Variants in ABCF3 observed in about 807,000 individuals in gnomAD.
The protein encoded by ABCF3 is ATP-binding cassette sub-family F member 3.
ABCF3 carries 62 observed loss-of-function variants against 94.3 expected under a neutral mutation model. The observed-to-expected ratio is 0.66, with a 90% CI of 0.54 to 0.81. ABCF3 has a LOEUF of 0.81. Ranked by LOEUF, ABCF3 falls within the 40% of genes least tolerant of loss-of-function variation. The pLI, the probability that ABCF3 is intolerant of heterozygous loss-of-function variation, is 0.00. For synonymous variants in ABCF3, 355 were observed against 361.1 expected (o/e 0.98, Z 0.19); for missense variants, 843 against 925.3 (o/e 0.91, Z 1.15).
chr3:184,190,941 C>T (rs1715978071), intron 14 of ABCF3, 58 bp from the exon 15 acceptor site: 13 of 1,587,200 alleles, frequency 8.2e-6, no homozygotes, highest in Middle Eastern at 1.9e-4. Context: ...ATATATTACT[C>T]GTGTAGGAAG....
chr3:184,187,315 G>C (rs2942056), intron 3 of ABCF3, 82 bp from the exon 4 acceptor site: 504,895 of 1,506,638 alleles, frequency 0.34, 88,091 homozygotes, highest in East Asian at 0.64. Context: ...ATCTGTGTCT[G>C]TGCCTGGTTC....
Position 184,193,783 on chromosome 3 carries a change from G to A in ABCF3, c.*85G>A. 7.0e-7 allele frequency: 1 copy of A among 1,426,388 alleles called. No individual in the cohort carries two copies. The highest frequency in any genetic ancestry group is 9.3e-7 in the Non-Finnish European group (1 of 1,071,730). The allele number at this position is 1,426,388 out of a possible 1,614,324, so 88.4% of individuals were successfully genotyped here. ...CATGTAGGCCACCACTCCAGGCCGT[G>A]GACTTCCCCCAACTTGGGGACAGCC... On this transcript the variant is annotated 3_prime_UTR_variant, in exon 21 of 21. Coordinates refer to ENST00000429586, the MANE Select transcript of ABCF3 (RefSeq NM_018358.3). The surrounding 1 kb of genome is among the most constrained non-coding windows in gnomAD (Gnocchi z 5.2).
Position 184,193,228 on chromosome 3 carries a change from T to TGCCCTGGTGAG in ABCF3, c.1881_1883+8dup. On this transcript the variant is annotated stop_gained and frameshift_variant, in exon 19 of 21. Coordinates refer to ENST00000429586, the MANE Select transcript of ABCF3 (RefSeq NM_018358.3). LOFTEE classifies it high-confidence loss of function. This position sits in a 1 kb window ranked among gnomAD's most constrained non-coding sequence, Gnocchi z 5.2. The stretch of plus-strand genomic sequence containing the variant: ...CGAGTGGCCTTTGCTCAGATGACTA[T>TGCCCTGGTGAG]GCCCTGGTGAGGCCTCATTTTCCAG... 6.4e-7 allele frequency: 1 copy of TGCCCTGGTGAG among 1,568,836 alleles called. No homozygotes were observed. The highest frequency in any genetic ancestry group is 8.6e-7 in the Non-Finnish European group (1 of 1,158,070).
intron 14 of ABCF3, 99 bp downstream of exon 14, chr3:184,190,030 C>A (rs1056718334): frequency 7.9e-7 from 1 of 1,267,838 alleles, no homozygotes; most frequent in Non-Finnish European, 1.1e-6. Flanking sequence ...GTCTCCCCTT[C>A]GCTAGAAGCC....
intron 3 of ABCF3, 129 bp from the exon 4 acceptor site, chr3:184,187,268 C>A: frequency 2.1e-6 from 2 of 970,242 alleles, no homozygotes; most frequent in Non-Finnish European, 3.2e-6. Context: ...AAGATAATAG[C>A]CATCTATCTG....
At position 184,192,458 on chromosome 3, in the gene ABCF3, C is replaced by T. The variant is rs549218389; in HGVS notation, c.1570-143C>T. On this transcript the variant is annotated intron_variant, in intron 16 of 20. Coordinates refer to ENST00000429586, the MANE Select transcript of ABCF3 (RefSeq NM_018358.3). ...CCCTCTCTCAATTCCCCTCCTCCCC[C>T]CTTATCCTTCCCAGCCTCTAGTAAC... 3.9e-5 allele frequency: 31 copies of T among 800,334 alleles called. No individual in the cohort carries two copies. The East Asian group carries it at 6.8e-4, about 17-fold the overall frequency. The allele number at this position is 800,334 out of a possible 1,614,324, so 49.6% of individuals were successfully genotyped here. A position where few individuals can be genotyped will look rare whatever the true frequency, so the allele number is the denominator to read the frequency against.
chr3:184,187,543 TC>T (rs1324072964), intron 4 of ABCF3, 100 bp downstream of exon 4: 7 of 1,540,166 alleles, frequency 4.5e-6, no homozygotes, highest in Non-Finnish European at 6.3e-6. Context: ...CTATGTCTTT[TC>T]CTGAGCCTTT....
In ABCF3 at chr3:184,188,238, C is replaced by G. The variant is rs1416992763; in HGVS notation, c.667C>G (p.Leu223Val). Residue 223 changes from leucine to valine, a missense_variant, in exon 7 of 21, where the codon CTG becomes GTG. Physicochemically the swap from Leu to Val is conservative, Grantham distance 32. Transcript: ENST00000429586. ...GGGGAAGACAACGTTACTGAAGATG[C>G]TGGCCACCCGGAGTCTGCGGGTTCC... ...GLGKTTLLKM[L>V]ATRSLRVPAH... 6.2e-7 allele frequency: 1 copy of G among 1,614,170 alleles called. No homozygotes were observed. The highest frequency in any genetic ancestry group is 1.7e-5 in the Admixed American group (1 of 60,034).
chr3:184,192,739 A>G, intron 17 of ABCF3, 50 bp downstream of exon 17: 1 of 1,606,922 alleles, frequency 6.2e-7, no homozygotes, highest in South Asian at 1.1e-5. Context: ...GCAGGCACCC[A>G]TGCTGCCTGC....
In ABCF3 at chr3:184,189,255, G is replaced by A; in HGVS notation, c.1035G>A (p.Arg345=). Residue 345 remains arginine, a splice_region_variant and synonymous_variant, in exon 11 of 21, where the codon AGG becomes AGA. Coordinates refer to ENST00000429586, the MANE Select transcript of ABCF3 (RefSeq NM_018358.3). The part of the protein sequence containing the change: ...RLALARALFA[R]PDLLLLDEPT... ...TCAGGCCATGTATTGTTTTTCATAG[G>A]CCAGATCTTCTGCTGTTAGATGGTG... 1.2e-6 allele frequency: 2 copies of A among 1,614,178 alleles called. No individual in the cohort carries two copies. Among genetic ancestry groups the A allele is most frequent in the East Asian group, 2.2e-5 (1 of 44,880 alleles).
Position 184,190,939 on chromosome 3 carries a change from CT to C in ABCF3, c.1392-59del. 7.6e-6 allele frequency: 12 copies of C among 1,585,900 alleles called. No individual in the cohort carries two copies. In the South Asian group the frequency reaches 1.4e-4, roughly 18 times the overall value. ...CTAAGTTTTCTCTGAACATATATTA[CT>C]CGTGTAGGAAGTTATTTTTTTAAGT... On this transcript the variant is annotated intron_variant, in intron 14 of 20. Transcript: ENST00000429586.
chr3:184,186,229 C>T lies in ABCF3; in HGVS notation c.22C>T (p.Leu8=), dbSNP rs202156124. MATCAEI[L]RSEFPEIDGQ... ...GAACATGGCGACTTGCGCCGAAATC[C>T]TGCGGAGCGAGTTCCCCGAAATTGA... is the stretch of plus-strand genomic sequence containing the variant. Residue 8 remains leucine, a synonymous_variant, in exon 1 of 21, where the codon CTG becomes TTG. Transcript: ENST00000429586. 3.1e-6 allele frequency: 5 copies of T among 1,614,228 alleles called. No individual in the cohort carries two copies. The highest frequency in any genetic ancestry group is 4.2e-6 in the Non-Finnish European group (5 of 1,180,044).
chr3:184,191,237 C>G lies in ABCF3; in HGVS notation c.1551C>G (p.Leu517=), dbSNP rs779061226. ...IFSRLSVSAD[L]ESRICVVGEN... The stretch of plus-strand genomic sequence containing the variant: ...GTCGCCTCTCTGTGTCTGCTGATCT[C>G]GAGTCTCGCATCTGTGTGGTAAGGC... The change falls in exon 16 of 21, where the codon CTC becomes CTG. Residue 517 remains leucine (L), a synonymous_variant. Transcript: ENST00000429586. 1.9e-6 allele frequency: 3 copies of G among 1,614,156 alleles called. No homozygotes were observed. Among genetic ancestry groups the G allele is most frequent in the East Asian group, 4.5e-5 (2 of 44,888 alleles).
intron 4 of ABCF3, 109 bp downstream of exon 4, chr3:184,187,552 T>A: frequency 6.5e-7 from 1 of 1,538,182 alleles, no homozygotes; most frequent in Non-Finnish European, 9.0e-7. Flanking sequence ...TTCCTGAGCC[T>A]TTGAGTCTGT....
Position 184,186,256 on chromosome 3 carries a change from GGACAAGTCTTC to G in ABCF3, c.53_63del (p.Gln18LeufsTer18). The G allele has an allele frequency of 2.5e-6, 4 of 1,614,238 alleles. No individual in the cohort carries two copies. The highest frequency in any genetic ancestry group is 3.4e-6 in the Non-Finnish European group (4 of 1,180,046). On this transcript the variant is annotated frameshift_variant, in exon 1 of 21. Coordinates refer to ENST00000429586, the MANE Select transcript of ABCF3 (RefSeq NM_018358.3). LOFTEE classifies it high-confidence loss of function. ...GCGGAGCGAGTTCCCCGAAATTGAC[GGACAAGTCTTC>G]GACTACGTGACCGGTAAGCAGAACT...
chr3:184,191,321 G>C (rs1226094683), intron 16 of ABCF3, 66 bp downstream of exon 16: 1 of 1,604,596 alleles, frequency 6.2e-7, no homozygotes, highest in Admixed American at 1.7e-5. Flanking sequence ...GTGTGGATTG[G>C]CCCAGATCCT....
intron 6 of ABCF3, 43 bp from the exon 7 acceptor site, chr3:184,188,098 C>T (rs767828384): frequency 1.9e-5 from 30 of 1,610,412 alleles, no homozygotes; most frequent in Non-Finnish European, 2.5e-5. Flanking sequence ...TGCTGTGCAC[C>T]TATTTCTAGA....
At chr3:184,187,192 C>G (rs1316277337) in intron 3 of ABCF3, 1 of 692,740 alleles carries the variant, frequency 1.4e-6, no homozygotes, top group African/African-American at 1.8e-5. Context: ...CCAGCCTTGT[C>G]TATGCCTCTG....
rs563979005 is a variant in ABCF3, at chr3:184,188,754, C to T, written c.837-7C>T. ...CTTAGGCCAATTGCTGTTTCTCCTCCCTCCAGGGCGGAGGGCTCTGAAGCT... is the reference window on the plus strand; with the variant it reads ...CTTAGGCCAATTGCTGTTTCTCCTCTCTCCAGGGCGGAGGGCTCTGAAGCT... On this transcript the variant is annotated splice_region_variant and splice_polypyrimidine_tract_variant and intron_variant, in intron 7 of 20. Coordinates refer to ENST00000429586, the MANE Select transcript of ABCF3 (RefSeq NM_018358.3). 1.2e-6 allele frequency: 2 copies of T among 1,613,656 alleles called. No homozygotes were observed. The highest frequency in any genetic ancestry group is 1.1e-5 in the South Asian group (1 of 90,998).
Sources: gnomAD v4.1 joint callset for allele counts on GRCh38, gnomAD v4.1.1 for gene constraint, Gnocchi (gnomAD v3.1) non-coding constraint, MANE v1.5 for transcripts, NCBI Gene and HGNC (gene_info 2026-07-23, HGNC 2026-07-21) for gene names.